MIR2052HG: variants seen among roughly 807,000 people sequenced by gnomAD.
The protein encoded by MIR2052HG is MIR2052 host gene.
At chr8:74,694,650 A>G (rs185702181) in intron 2 of MIR2052HG, among the ~76,000 whole-genome samples, 1 of 152,324 alleles carries the variant, frequency 6.6e-6, no homozygotes, top group East Asian at 1.9e-4. Context: ...TAAAAATCAA[A>G]CACAACTTCT....
At chr8:74,632,331 G>C (rs1279424756) in intron 2 of MIR2052HG, 1 of 152,284 alleles carries the variant, frequency 6.6e-6, no homozygotes, top group East Asian at 1.9e-4. Flanking sequence ...CCACCAGCAG[G>C]ATGTGTGGCC....
At chr8:74,732,432 TA>T (rs752729784) in intron 4 of MIR2052HG, among the ~76,000 whole-genome samples, 9 of 152,192 alleles carry the variant, frequency 5.9e-5, no homozygotes, top group Non-Finnish European at 1.3e-4. Context: ...GAACATATGT[TA>T]AAAATGCCTT....
chr8:74,739,656 G>T (rs1809806079), intron 4 of MIR2052HG, among the ~76,000 whole-genome samples: 1 of 152,122 alleles, frequency 6.6e-6, no homozygotes, highest in African/African-American at 2.4e-5. Flanking sequence ...TGGAAAGATT[G>T]CCATCAGAGT....
chr8:74,746,960 G>T (rs562685860), intron 4 of MIR2052HG, among the ~76,000 whole-genome samples: 3 of 151,996 alleles, frequency 2.0e-5, no homozygotes, highest in Admixed American at 1.3e-4. Flanking sequence ...TACCACCCAA[G>T]CCCCCTTATA....
At chr8:74,631,133 G>T (rs1299367063) in intron 2 of MIR2052HG, among the ~76,000 whole-genome samples, 1 of 152,158 alleles carries the variant, frequency 6.6e-6, no homozygotes, top group Non-Finnish European at 1.5e-5. Flanking sequence ...ATCATGTAAG[G>T]TATACTGCTC....
chr8:74,690,113 C>T (rs766667667), intron 2 of MIR2052HG, among the ~76,000 whole-genome samples: 1 of 152,188 alleles, frequency 6.6e-6, no homozygotes, highest in Non-Finnish European at 1.5e-5. Context: ...AAGCCATCAT[C>T]CTATTTTCTA....
intron 2 of MIR2052HG, among the ~76,000 whole-genome samples, chr8:74,618,248 C>T (rs1041188435): frequency 1.3e-5 from 2 of 152,212 alleles, no homozygotes; most frequent in African/African-American, 4.8e-5. Context: ...CATTTTCCGT[C>T]CTCTTGCCCA....
chr8:74,707,406 C>T (rs1038957131), intron 4 of MIR2052HG, among the ~76,000 whole-genome samples: 12 of 152,116 alleles, frequency 7.9e-5, no homozygotes, highest in East Asian at 3.9e-4. Context: ...AGGATAGTAT[C>T]GATATGGTAG....
intron 2 of MIR2052HG, among the ~76,000 whole-genome samples, chr8:74,642,877 C>A (rs1362176233): frequency 1.3e-5 from 2 of 152,166 alleles, no homozygotes. Flanking sequence ...ATTTGTTCCT[C>A]AAATTCTAAT....
rs10647233 is a variant in MIR2052HG at position 74,719,849 on chromosome 8, C to CTTTTTTTTT, written n.371+16176_371+16184dup. 4.1e-4 allele frequency among the ~76,000 whole-genome samples: 44 copies of CTTTTTTTTT among 106,728 alleles called. 1 individual carries two copies. Among genetic ancestry groups the CTTTTTTTTT allele is most frequent in the East Asian group, 9.3e-4 (3 of 3,216 alleles). The allele number at this position is 106,728 out of a possible 152,430, so 70.0% of individuals were successfully genotyped here. A position where few individuals can be genotyped will look rare whatever the true frequency, so the allele number is the denominator to read the frequency against. On this transcript the variant is annotated intron_variant and non_coding_transcript_variant, in intron 4 of 6. Transcript: ENST00000523442. ...TCCTTCTTTTTTTTTTTTCTTTTTT[C>CTTTTTTTTT]TTTTTTTTTTTTTTTTTGAGAGGGA...
chr8:74,673,572 A>T (rs1400789371), intron 2 of MIR2052HG, among the ~76,000 whole-genome samples: 1 of 151,956 alleles, frequency 6.6e-6, no homozygotes, highest in Non-Finnish European at 1.5e-5. Flanking sequence ...CTTGTGTTAC[A>T]CTTTGTATCT....
chr8:74,604,054 G>T (rs985460535), intron 1 of MIR2052HG: 11 of 965,156 alleles, frequency 1.1e-5, no homozygotes, highest in East Asian at 4.8e-5. Flanking sequence ...GGCATTAGCA[G>T]GTCCAGCAAA....
chr8:74,671,083 G>A (rs2128738011), intron 2 of MIR2052HG, among the ~76,000 whole-genome samples: 1 of 151,020 alleles, frequency 6.6e-6, no homozygotes, highest in Non-Finnish European at 1.5e-5. Flanking sequence ...CAAGTCAGGT[G>A]TGTGTAATAG....
chr8:74,686,902 G>C (rs940074808), intron 2 of MIR2052HG, among the ~76,000 whole-genome samples: 1 of 151,350 alleles, frequency 6.6e-6, no homozygotes, highest in African/African-American at 2.4e-5. Context: ...TAATCTGTTT[G>C]TTCTCATTTG....
intron 1 of MIR2052HG, among the ~76,000 whole-genome samples, chr8:74,601,308 G>T (rs542186969): frequency 6.6e-6 from 1 of 152,178 alleles, no homozygotes; most frequent in Non-Finnish European, 1.5e-5. Flanking sequence ...CCTGGAACTT[G>T]TTCTTCTTGT....
intron 1 of MIR2052HG, among the ~76,000 whole-genome samples, chr8:74,611,129 A>C (rs1465264340): frequency 6.6e-6 from 1 of 152,110 alleles, no homozygotes; most frequent in East Asian, 1.9e-4. Context: ...TCAAAACTCA[A>C]TAATAAAAAT....
chr8:74,722,735 G>A (rs1009655468), intron 4 of MIR2052HG, among the ~76,000 whole-genome samples: 13 of 152,160 alleles, frequency 8.5e-5, no homozygotes, highest in African/African-American at 2.9e-4. Flanking sequence ...AAGAATTCAT[G>A]CTGGTCAATG....
At chr8:74,712,284 A>G (rs1218177029) in intron 4 of MIR2052HG, among the ~76,000 whole-genome samples, 1 of 152,166 alleles carries the variant, frequency 6.6e-6, no homozygotes, top group Admixed American at 6.6e-5. Flanking sequence ...TATTTTTATT[A>G]TGACTAGATA....
chr8:74,756,214 G>A (rs767432195), intron 5 of MIR2052HG, among the ~76,000 whole-genome samples: 1 of 152,164 alleles, frequency 6.6e-6, no homozygotes, highest in Non-Finnish European at 1.5e-5. Flanking sequence ...CACAGAATGA[G>A]GTCTGAAATG....
Sources: allele counts gnomAD v4.1 joint callset (sites outside exome capture counted in the v4.1 genomes callset), GRCh38; gene constraint gnomAD v4.1.1; transcripts MANE v1.5; gene names NCBI Gene and HGNC (gene_info 2026-07-23, HGNC 2026-07-21).